The following ALK variants were observed in gnomAD, a reference collection of about 807,000 sequenced individuals.
ALK encodes ALK tyrosine kinase receptor.
Under a neutral mutation model 163.1 loss-of-function variants are expected in ALK, and 74 were observed. The observed-to-expected ratio is 0.45, with a 90% CI of 0.38 to 0.55. ALK has a LOEUF of 0.55. ALK is among the 20% of genes least tolerant of loss of function. ALK has a pLI of 0.00. For missense variants in ALK, 2,063 were observed against 2,105.3 expected (o/e 0.98, Z 0.39); for synonymous variants, 960 against 843.2 (o/e 1.14, Z -2.40).
chr2:29,342,174 T>C (rs771290654), intron 5 of ALK, among the ~76,000 whole-genome samples: 2 of 152,174 alleles, frequency 1.3e-5, no homozygotes, highest in Admixed American at 6.5e-5. Flanking sequence ...GGCAAAGATA[T>C]AGAGAAATTT....
At chr2:29,773,361 G>T (rs1681080446) in intron 1 of ALK, among the ~76,000 whole-genome samples, 1 of 152,114 alleles carries the variant, frequency 6.6e-6, no homozygotes. Context: ...TAGAAACAGA[G>T]AATTGGCCAA....
chr2:29,676,373 G>T (rs1162291194), intron 3 of ALK, among the ~76,000 whole-genome samples: 3 of 151,896 alleles, frequency 2.0e-5, no homozygotes, highest in Non-Finnish European at 4.4e-5. Context: ...TATGGTATGA[G>T]GTCATATTCT....
At chr2:29,637,082 C>G (rs1160811819) in intron 3 of ALK, among the ~76,000 whole-genome samples, 1 of 152,146 alleles carries the variant, frequency 6.6e-6, no homozygotes, top group African/African-American at 2.4e-5. Flanking sequence ...GGTTGCTCTC[C>G]TGAAAATGTA....
At chr2:29,439,322 T>C (rs1276471224) in intron 4 of ALK, among the ~76,000 whole-genome samples, 1 of 152,196 alleles carries the variant, frequency 6.6e-6, no homozygotes, top group Non-Finnish European at 1.5e-5. Context: ...AACGTGGGTA[T>C]AAACTCCTTA....
intron 9 of ALK, among the ~76,000 whole-genome samples, chr2:29,294,592 A>G (rs1210971857): frequency 5.3e-5 from 8 of 152,200 alleles, no homozygotes; most frequent in South Asian, 2.1e-4. Context: ...GATTTGTGCT[A>G]TTTGTTTAAT....
chr2:29,407,743 C>T (rs1016778512), intron 4 of ALK, among the ~76,000 whole-genome samples: 1 of 152,220 alleles, frequency 6.6e-6, no homozygotes, highest in Non-Finnish European at 1.5e-5. Flanking sequence ...TTCTACCCTA[C>T]CTTCCATTCA....
intron 3 of ALK, among the ~76,000 whole-genome samples, chr2:29,665,658 G>A (rs1334968703): frequency 6.6e-6 from 1 of 151,910 alleles, no homozygotes; most frequent in Admixed American, 6.6e-5. Flanking sequence ...CACAAGAATA[G>A]GCAGAGCTCT....
chr2:29,580,524 C>CTTTTCCAAG (rs1161218578), intron 3 of ALK, among the ~76,000 whole-genome samples: 16 of 152,204 alleles, frequency 1.1e-4, no homozygotes, highest in African/African-American at 3.9e-4. Flanking sequence ...ATTCAATCTG[C>CTTTTCCAAG]TTTCTCCCAG....
chr2:29,639,849 C>T (rs543114256), intron 3 of ALK, among the ~76,000 whole-genome samples: 57 of 152,262 alleles, frequency 3.7e-4, no homozygotes, highest in African/African-American at 1.3e-3. Flanking sequence ...ACAGCATCTT[C>T]GACAACATCC....
At chr2:29,612,259 AAAAAATTAAGCCTTTCT>A (rs1222114832) in intron 3 of ALK, among the ~76,000 whole-genome samples, 2 of 152,196 alleles carry the variant, frequency 1.3e-5, no homozygotes, top group African/African-American at 4.8e-5. Context: ...GAAAAAGTTT[AAAAAATTAAGCCTTTCT>A]AAATATAATT....
At chr2:29,478,098 C>A (rs1487694274) in intron 4 of ALK, among the ~76,000 whole-genome samples, 2 of 152,226 alleles carry the variant, frequency 1.3e-5, no homozygotes, top group East Asian at 3.8e-4. Context: ...CTTCTCAAAG[C>A]TCCCCAGGTT....
At chr2:29,290,266 C>G (rs867479098) in intron 9 of ALK, among the ~76,000 whole-genome samples, 2 of 152,186 alleles carry the variant, frequency 1.3e-5, no homozygotes, top group Non-Finnish European at 2.9e-5. Flanking sequence ...TGCTCAGATG[C>G]GAGCCTGAGT....
chr2:29,690,790 C>T (rs570433437), intron 3 of ALK, among the ~76,000 whole-genome samples: 2 of 152,338 alleles, frequency 1.3e-5, no homozygotes, highest in South Asian at 4.1e-4. Context: ...TATCATCTTG[C>T]TGCCTTTTTC....
At chr2:29,593,157 C>T (rs6753617) in intron 3 of ALK, among the ~76,000 whole-genome samples, 5,373 of 152,216 alleles carry the variant, frequency 0.035, 309 homozygotes, top group African/African-American at 0.12. Flanking sequence ...TACGCCAGTG[C>T]CTGGCTGGCA....
intron 2 of ALK, among the ~76,000 whole-genome samples, chr2:29,708,554 C>T (rs1678980459): frequency 6.6e-6 from 1 of 152,310 alleles, no homozygotes; most frequent in Non-Finnish European, 1.5e-5. Flanking sequence ...TGACCCCACA[C>T]TGAGGCAATC....
chr2:29,903,044 G>A (rs764755131), intron 1 of ALK, among the ~76,000 whole-genome samples: 2 of 152,160 alleles, frequency 1.3e-5, no homozygotes, highest in Non-Finnish European at 2.9e-5. Context: ...ACTGATGATG[G>A]TGTCAAGTCT....
At chr2:29,578,012 C>A (rs184296559) in intron 3 of ALK, among the ~76,000 whole-genome samples, 71 of 151,610 alleles carry the variant, frequency 4.7e-4, no homozygotes, top group African/African-American at 1.6e-3. Context: ...AAGAGTGAAT[C>A]TTGATCTACA....
chr2:29,264,792 A>G (rs1184363423), intron 11 of ALK, among the ~76,000 whole-genome samples: 2 of 152,124 alleles, frequency 1.3e-5, no homozygotes, highest in Non-Finnish European at 2.9e-5. Context: ...TTAGTGTTAG[A>G]ATGTTTAAGA....
intron 3 of ALK, among the ~76,000 whole-genome samples, chr2:29,664,107 G>T (rs1677435414): frequency 6.6e-6 from 1 of 152,100 alleles, no homozygotes; most frequent in Non-Finnish European, 1.5e-5. Flanking sequence ...CCTACAAACA[G>T]CTCTGCTCCA....
Sources: gnomAD v4.1 joint callset for allele counts (sites outside exome capture counted in the v4.1 genomes callset) on GRCh38, gnomAD v4.1.1 for gene constraint, MANE v1.5 for transcripts, NCBI Gene and HGNC (gene_info 2026-07-23, HGNC 2026-07-21) for gene names.